PAPOLA: variants seen among roughly 807,000 people sequenced by gnomAD.
The protein encoded by PAPOLA is poly(A) polymerase alpha.
Under a neutral mutation model 100.6 loss-of-function variants are expected in PAPOLA, and 15 were observed. That is an observed-to-expected ratio of 0.15 (90% CI 0.10 to 0.23). The LOEUF (loss-of-function observed/expected upper bound fraction) is 0.23. Ranked by LOEUF, PAPOLA falls within the 10% of genes least tolerant of loss-of-function variation. The pLI is 1.00. For missense variants in PAPOLA, 533 were observed against 884.2 expected, an observed-to-expected ratio of 0.60 and a Z score of 5.04; for synonymous variants, 293 against 300.0, an observed-to-expected ratio of 0.98 and a Z score of 0.24.
rs202242203 is a variant in PAPOLA at position 96,542,202 on chromosome 14, G to A, written c.1116-41G>A. On this transcript the variant is annotated intron_variant, in intron 12 of 21. Transcript: ENST00000216277. ...TATGGTTTAATATCCAGCACAAAGC[G>A]TGTAAATAAAATAAATAGCATGTTG... is the stretch of plus-strand genomic sequence containing the variant. The A allele has an allele frequency of 1.5e-4, 188 of 1,248,900 alleles. 2 individuals carry two copies. The highest frequency in any genetic ancestry group is 9.9e-4 in the South Asian group (80 of 81,192). 77.4% of individuals were successfully genotyped at this position (1,248,900 alleles called of 1,614,324 possible).
chr14:96,520,356 G>A, intron 2 of PAPOLA, 128 bp downstream of exon 2: 2 of 679,890 alleles, frequency 2.9e-6, no homozygotes, highest in Admixed American at 6.2e-5. Context: ...ATCTGTTTTG[G>A]AGAAGAGGGA....
intron 7 of PAPOLA, chr14:96,531,901 C>T: frequency 7.4e-7 from 1 of 1,349,254 alleles, no homozygotes; most frequent in South Asian, 1.8e-5. Flanking sequence ...TCCTGTTATT[C>T]TTTAGTAATG....
chr14:96,519,429 G>A lies in PAPOLA; in HGVS notation c.9-626G>A, dbSNP rs1035176231. On this transcript the variant is annotated intron_variant, in intron 1 of 21. Coordinates refer to ENST00000216277, the MANE Select transcript of PAPOLA (RefSeq NM_032632.5). ...TTCCTAAGCATTTAAAGCATGCTATGCCTTTTTACAAATTTGGAACTTATC... is the reference window on the plus strand; with the variant it reads ...TTCCTAAGCATTTAAAGCATGCTATACCTTTTTACAAATTTGGAACTTATC... Among the ~76,000 whole-genome samples the A allele has an allele frequency of 3.3e-5, 5 of 152,102 alleles. No homozygotes were observed. The South Asian group carries it at 8.3e-4, about 25-fold the overall frequency.
chr14:96,521,908 T>G (rs1170048709), intron 3 of PAPOLA, among the ~76,000 whole-genome samples: 1 of 151,964 alleles, frequency 6.6e-6, no homozygotes, highest in Non-Finnish European at 1.5e-5. Context: ...TTCAAGTGAT[T>G]CTCATGCCTC....
intron 1 of PAPOLA, among the ~76,000 whole-genome samples, chr14:96,506,123 C>T (rs532466386): frequency 1.3e-5 from 2 of 152,238 alleles, no homozygotes; most frequent in Admixed American, 6.5e-5. Context: ...AGGATGGTCT[C>T]GATTTCCTGA....
intron 17 of PAPOLA, 26 bp downstream of exon 17, chr14:96,552,648 T>C (rs375954185): frequency 3.8e-6 from 6 of 1,597,972 alleles, no homozygotes; most frequent in Non-Finnish European, 5.1e-6. Flanking sequence ...GAAATAGAAG[T>C]GGAGGGGCTG....
chr14:96,502,902 G>T lies in PAPOLA; in HGVS notation c.8+302G>T, dbSNP rs1388642343. On this transcript the variant is annotated intron_variant, in intron 1 of 21. Coordinates refer to ENST00000216277, the MANE Select transcript of PAPOLA (RefSeq NM_032632.5). ...CTCGCCCGGCCACTCCAGCTTCTCC[G>T]CCCCGTCCACAAAGAAAATCAAAAC... The T allele has an allele frequency of 2.1e-5, 8 of 386,204 alleles. 1 individual carries two copies. Among genetic ancestry groups the T allele is most frequent in the Non-Finnish European group, 9.2e-6 (2 of 216,440 alleles). 23.9% of individuals were successfully genotyped at this position (386,204 alleles called of 1,614,324 possible). A position where few individuals can be genotyped will look rare whatever the true frequency, so the allele number is the denominator to read the frequency against.
In PAPOLA at chr14:96,502,537, G is replaced by T; in HGVS notation, c.-56G>T. The T allele has an allele frequency of 1.4e-6, 2 of 1,411,162 alleles. No homozygotes were observed. Among genetic ancestry groups the T allele is most frequent in the South Asian group, 1.3e-5 (1 of 78,410 alleles). The allele number at this position is 1,411,162 out of a possible 1,614,324, so 87.4% of individuals were successfully genotyped here. ...CGCCTCAGTGGATCATGCCCAGGGC[G>T]GCAGCGGCGGCGGTTGCGGGGGGGA... On this transcript the variant is annotated 5_prime_UTR_variant, in exon 1 of 22. Transcript: ENST00000216277.
Position 96,560,715 on chromosome 14 carries a change from T to C in PAPOLA, c.2067+4T>C, listed in dbSNP as rs370861847. The C allele has an allele frequency of 2.6e-6, 4 of 1,559,532 alleles. No individual in the cohort carries two copies. The highest frequency in any genetic ancestry group is 3.5e-6 in the Non-Finnish European group (4 of 1,131,832). On this transcript the variant is annotated splice_donor_region_variant and intron_variant, in intron 20 of 21. Transcript: ENST00000216277. ...ACATGATAAAACAGAAGCAAAGGTA[T>C]ACTAATTTAGCCTTTAGAATACATA... is the stretch of plus-strand genomic sequence containing the variant.
At chr14:96,503,324 G>T (rs1242143712) in intron 1 of PAPOLA, among the ~76,000 whole-genome samples, 2 of 152,022 alleles carry the variant, frequency 1.3e-5, no homozygotes, top group Admixed American at 6.6e-5. Context: ...GTTTCATTCT[G>T]TTTCCTTCTT....
chr14:96,537,227 A>G (rs1194041143), intron 12 of PAPOLA, 167 bp downstream of exon 12: 2 of 580,644 alleles, frequency 3.4e-6, no homozygotes, highest in African/African-American at 1.9e-5. Flanking sequence ...TGGTTGAGGT[A>G]ATGAATGTGA....
At chr14:96,558,516 A>G (rs892705550) in intron 19 of PAPOLA, among the ~76,000 whole-genome samples, 5 of 152,178 alleles carry the variant, frequency 3.3e-5, no homozygotes, top group African/African-American at 1.2e-4. Flanking sequence ...ACCTTGGTAG[A>G]ATAACACTTG....
chr14:96,520,914 C>T, intron 2 of PAPOLA, 92 bp from the exon 3 acceptor site: 1 of 728,484 alleles, frequency 1.4e-6, no homozygotes, highest in Non-Finnish European at 2.5e-6. Flanking sequence ...TGCTTAAAAA[C>T]TCATAATTTA....
At chr14:96,517,363 T>C (rs150563611) in intron 1 of PAPOLA, among the ~76,000 whole-genome samples, 1 of 152,290 alleles carries the variant, frequency 6.6e-6, no homozygotes, top group East Asian at 1.9e-4. Flanking sequence ...ACTTGAAAAT[T>C]TAAGAGTAGA....
intron 19 of PAPOLA, chr14:96,560,323 A>T (rs1195689522): frequency 1.6e-5 from 3 of 192,984 alleles, no homozygotes; most frequent in African/African-American, 7.1e-5. Flanking sequence ...AAGTTCCTAA[A>T]GTTGTATGAT....
At chr14:96,542,663 G>A in intron 13 of PAPOLA, 111 bp from the exon 14 acceptor site, 1 of 1,016,884 alleles carries the variant, frequency 9.8e-7, no homozygotes, top group South Asian at 1.8e-5. Flanking sequence ...TAAGGCTTCT[G>A]GTTTTATCTG....
intron 11 of PAPOLA, among the ~76,000 whole-genome samples, chr14:96,536,442 T>C (rs1320551053): frequency 6.6e-6 from 1 of 152,088 alleles, no homozygotes; most frequent in African/African-American, 2.4e-5. Flanking sequence ...AAGGTATAGC[T>C]ACTACCAAAT....
intron 20 of PAPOLA, among the ~76,000 whole-genome samples, chr14:96,561,342 C>T (rs997022160): frequency 1.3e-5 from 2 of 152,000 alleles, no homozygotes; most frequent in Admixed American, 6.6e-5. Context: ...TGGAAATTCT[C>T]CCCCTTCTCC....
rs1366789212 is a variant in PAPOLA, at chr14:96,535,295, G to A, written c.910-584G>A. The A allele has an allele frequency of 4.1e-6, 4 of 983,678 alleles. No individual in the cohort carries two copies. In the East Asian group the frequency reaches 3.4e-4, roughly 84 times the overall value. 60.9% of individuals were successfully genotyped at this position (983,678 alleles called of 1,614,324 possible). On this transcript the variant is annotated intron_variant, in intron 10 of 21. Transcript: ENST00000216277. The stretch of plus-strand genomic sequence containing the variant: ...ATTTTCAGGTTTTCCGAACCTCAAG[G>A]CATTTACTTTTAGAGGATGTGAATT...
Sources: gnomAD v4.1 joint callset for allele counts (sites outside exome capture counted in the v4.1 genomes callset) on GRCh38, gnomAD v4.1.1 for gene constraint, MANE v1.5 for transcripts, NCBI Gene and HGNC (gene_info 2026-07-23, HGNC 2026-07-21) for gene names.